Variants in JAM3 observed in about 807,000 individuals in gnomAD.
JAM3 encodes junctional adhesion molecule C.
Under a neutral mutation model 39.4 loss-of-function variants are expected in JAM3, and 31 were observed. The ratio of observed to expected loss-of-function variants is 0.79; its 90% CI spans 0.59 to 1.06. The LOEUF (loss-of-function observed/expected upper bound fraction) is 1.06. JAM3 is among the 50% of genes least tolerant of loss of function. The pLI is 0.00. For synonymous variants in JAM3, 182 were observed against 148.7 expected (o/e 1.22, Z -1.63); for missense variants, 455 against 391.4 (o/e 1.16, Z -1.37).
chr11:134,142,548 C>T (rs966067055), intron 3 of JAM3, among the ~76,000 whole-genome samples: 1 of 152,168 alleles, frequency 6.6e-6, no homozygotes, highest in Non-Finnish European at 1.5e-5. Context: ...TTCCTAACTC[C>T]TTCCCCTATT....
intron 5 of JAM3, chr11:134,145,297 A>T: frequency 2.1e-6 from 1 of 482,020 alleles, no homozygotes; most frequent in South Asian, 2.1e-5. Flanking sequence ...AATCGGGGAA[A>T]TTGGATTACT....
chr11:134,094,543 C>A (rs556258276), intron 1 of JAM3, among the ~76,000 whole-genome samples: 1 of 151,402 alleles, frequency 6.6e-6, no homozygotes, highest in Admixed American at 6.6e-5. Context: ...CATGTCACTT[C>A]CTGAGGGAAG....
intron 1 of JAM3, among the ~76,000 whole-genome samples, chr11:134,126,920 C>G (rs1489153599): frequency 6.6e-6 from 1 of 152,198 alleles, no homozygotes; most frequent in African/African-American, 2.4e-5. Flanking sequence ...TAAACTGGCA[C>G]TGATGCATTG....
chr11:134,139,652 G>T, intron 1 of JAM3, 199 bp from the exon 2 acceptor site: 1 of 607,792 alleles, frequency 1.6e-6, no homozygotes. Context: ...TCTTTCCCTT[G>T]GCTCCTTCCA....
At chr11:134,074,405 A>G (rs1460852028) in intron 1 of JAM3, among the ~76,000 whole-genome samples, 3 of 152,186 alleles carry the variant, frequency 2.0e-5, no homozygotes, top group Non-Finnish European at 4.4e-5. Flanking sequence ...GGGAAAATAT[A>G]ATTTGTTTGT....
intron 1 of JAM3, chr11:134,124,007 C>G: frequency 6.7e-7 from 1 of 1,490,674 alleles, no homozygotes; most frequent in Non-Finnish European, 9.3e-7. Flanking sequence ...GCACAGGTGC[C>G]CTTCCCAATC....
intron 1 of JAM3, among the ~76,000 whole-genome samples, chr11:134,136,645 G>A (rs1023185074): frequency 1.3e-5 from 2 of 152,196 alleles, no homozygotes; most frequent in Non-Finnish European, 2.9e-5. Context: ...TACATGACTT[G>A]TAGTGGCCCT....
chr11:134,135,547 C>CT (rs1360921204), intron 1 of JAM3, among the ~76,000 whole-genome samples: 5 of 134,744 alleles, frequency 3.7e-5, no homozygotes, highest in South Asian at 2.3e-4. Context: ...TTTTTTTTTT[C>CT]TTTTTTTTGA....
At chr11:134,116,793 C>T (rs962642216) in intron 1 of JAM3, among the ~76,000 whole-genome samples, 1 of 152,044 alleles carries the variant, frequency 6.6e-6, no homozygotes, top group Non-Finnish European at 1.5e-5. Context: ...CGTATACACA[C>T]ATATCTATAC....
chr11:134,077,896 C>T (rs575978942), intron 1 of JAM3, among the ~76,000 whole-genome samples: 3 of 152,086 alleles, frequency 2.0e-5, no homozygotes, highest in Admixed American at 2.0e-4. Context: ...AGGTGATCCG[C>T]CCGCCTCGGC....
At position 134,148,652 on chromosome 11, in the gene JAM3, T is replaced by C. The variant is rs768837349; in HGVS notation, c.818T>C (p.Ile273Thr). ...TGTGCATACAGACGTGGCTACTTCA[T>C]CAACAATAAACAGGATGGAGAAAGG... ...ICCAYRRGYF[I>T]NNKQDGESYK... is the part of the protein sequence containing the mutation. The change falls in exon 7 of 9, where the codon ATC (isoleucine) becomes ACC (threonine). Residue 273 changes from isoleucine to threonine, a missense_variant. Coordinates refer to ENST00000299106, the MANE Select transcript of JAM3 (RefSeq NM_032801.5). 19 of 1,614,106 alleles carry C rather than the reference T, an allele frequency of 1.2e-5. No homozygotes were observed. The South Asian group carries it at 1.5e-4, about 13-fold the overall frequency.
At chr11:134,076,554 T>C (rs1176574903) in intron 1 of JAM3, among the ~76,000 whole-genome samples, 1 of 152,218 alleles carries the variant, frequency 6.6e-6, no homozygotes, top group Non-Finnish European at 1.5e-5. Context: ...AAATCTGTTG[T>C]TATTTCTTAT....
At chr11:134,144,690 C>G in intron 4 of JAM3, 102 bp from the exon 5 acceptor site, 1 of 1,096,610 alleles carries the variant, frequency 9.1e-7, no homozygotes, top group Non-Finnish European at 1.4e-6. Context: ...CGTGGGAACC[C>G]CTCGACTGGC....
At chr11:134,094,370 G>A (rs1425535398) in intron 1 of JAM3, among the ~76,000 whole-genome samples, 6 of 136,028 alleles carry the variant, frequency 4.4e-5, no homozygotes, top group South Asian at 2.3e-4. Flanking sequence ...CTTCCTGAGG[G>A]AAGCTTCTCC....
intron 1 of JAM3, among the ~76,000 whole-genome samples, chr11:134,089,711 G>T (rs977867689): frequency 8.5e-5 from 13 of 152,192 alleles, no homozygotes; most frequent in African/African-American, 1.9e-4. Context: ...TCTATCATTG[G>T]TGGACATTTG....
At chr11:134,095,784 G>A (rs1055409370) in intron 1 of JAM3, among the ~76,000 whole-genome samples, 2 of 152,052 alleles carry the variant, frequency 1.3e-5, no homozygotes, top group Non-Finnish European at 1.5e-5. Flanking sequence ...CTACTTTTTC[G>A]CCATCTTAGG....
chr11:134,069,650 G>T (rs1296828861), intron 1 of JAM3, among the ~76,000 whole-genome samples: 7 of 152,304 alleles, frequency 4.6e-5, no homozygotes, highest in African/African-American at 1.4e-4. Context: ...ACGGCCCTCT[G>T]GAGGGAGCGC....
At chr11:134,100,596 C>G (rs1235279729) in intron 1 of JAM3, among the ~76,000 whole-genome samples, 1 of 152,208 alleles carries the variant, frequency 6.6e-6, no homozygotes, top group African/African-American at 2.4e-5. Context: ...GGTCTGTACA[C>G]CACTGAAATC....
intron 6 of JAM3, 83 bp from the exon 7 acceptor site, chr11:134,148,464 G>A: frequency 6.3e-7 from 1 of 1,593,804 alleles, no homozygotes; most frequent in South Asian, 1.1e-5. Context: ...TTGGGGTGAA[G>A]GAAGGAGGCA....
Sources: gnomAD v4.1 joint callset for allele counts (sites outside exome capture counted in the v4.1 genomes callset) on GRCh38, gnomAD v4.1.1 for gene constraint, MANE v1.5 for transcripts, NCBI Gene and HGNC (gene_info 2026-07-23, HGNC 2026-07-21) for gene names.